The following ZFHX3 variants were observed in gnomAD, a reference collection of about 807,000 sequenced individuals.
The protein encoded by ZFHX3 is zinc finger homeobox protein 3.
A neutral mutation model predicts 279.1 loss-of-function variants in ZFHX3; 42 were observed. The ratio of observed to expected loss-of-function variants is 0.15; its 90% CI spans 0.12 to 0.19. The LOEUF is 0.19. Ranked by LOEUF, ZFHX3 falls within the 10% of genes least tolerant of loss-of-function variation. The probability of loss-of-function intolerance (pLI) is 1.00; values close to 1 mark genes in which losing one functional copy is unlikely to be tolerated. For synonymous variants in ZFHX3, 2,293 were observed against 1,957.8 expected (o/e 1.17, Z -4.52); for missense variants, 4,981 against 4,754.0 (o/e 1.05, Z -1.40).
chr16:73,610,372 A>T (rs1165859705), intron 2 of ZFHX3, among the ~76,000 whole-genome samples: 1 of 152,170 alleles, frequency 6.6e-6, no homozygotes, highest in East Asian at 1.9e-4. Context: ...CCTTTTCTTC[A>T]AACACATATG....
At chr16:73,043,415 G>A (rs370845799) in intron 1 of ZFHX3, among the ~76,000 whole-genome samples, 14 of 152,274 alleles carry the variant, frequency 9.2e-5, no homozygotes, top group East Asian at 3.9e-4. Flanking sequence ...GGCTGAATTT[G>A]CCATCTCGCA....
At chr16:72,866,732 C>T (rs558193988) in intron 4 of ZFHX3, among the ~76,000 whole-genome samples, 1 of 151,880 alleles carries the variant, frequency 6.6e-6, no homozygotes, top group South Asian at 2.1e-4. Flanking sequence ...CATTTACAAG[C>T]CCCTTTCACT....
At chr16:73,213,153 C>A (rs2012079201) in intron 5 of ZFHX3, among the ~76,000 whole-genome samples, 1 of 152,108 alleles carries the variant, frequency 6.6e-6, no homozygotes, top group African/African-American at 2.4e-5. Context: ...ATTCTTTAGC[C>A]CTGAAGATCA....
intron 3 of ZFHX3, among the ~76,000 whole-genome samples, chr16:73,447,461 G>A (rs904576800): frequency 4.6e-5 from 7 of 152,122 alleles, no homozygotes; most frequent in Admixed American, 1.3e-4. Flanking sequence ...CCCACAGTTC[G>A]GAGAAAAGCA....
intron 2 of ZFHX3, chr16:73,608,855 G>A (rs2052217541): frequency 6.6e-6 from 1 of 152,166 alleles, no homozygotes; most frequent in African/African-American, 2.4e-5. Flanking sequence ...GAACAAAATA[G>A]AGAGTTTGGC....
intron 3 of ZFHX3, among the ~76,000 whole-genome samples, chr16:73,376,838 TGCTCCATGATCTAAGACATTTTACTAA>T (rs2016730724): frequency 6.6e-6 from 1 of 152,228 alleles, no homozygotes; most frequent in Admixed American, 6.5e-5. Flanking sequence ...GTCAGAGAGT[TGCTCCATGATCTAAGACATTTTACTAA>T]GCTGCCAATA....
chr16:73,578,153 G>A (rs1366970528), intron 2 of ZFHX3, among the ~76,000 whole-genome samples: 1 of 152,068 alleles, frequency 6.6e-6, no homozygotes, highest in East Asian at 1.9e-4. Flanking sequence ...CACTCAAGCC[G>A]GTCTACCTGG....
chr16:73,517,050 G>A (rs1273734655), intron 2 of ZFHX3, among the ~76,000 whole-genome samples: 3 of 149,450 alleles, frequency 2.0e-5, no homozygotes, highest in South Asian at 2.1e-4. Flanking sequence ...TAGCACCCTC[G>A]TTGAAGTCTT....
At chr16:73,066,324 C>CTTA (rs1299220548) in intron 8 of ZFHX3, among the ~76,000 whole-genome samples, 1 of 152,212 alleles carries the variant, frequency 6.6e-6, no homozygotes, top group Admixed American at 6.5e-5. Context: ...TTCCCAAAAC[C>CTTA]TTATCATTGA....
At chr16:72,871,461 C>T (rs1451919975) in intron 4 of ZFHX3, among the ~76,000 whole-genome samples, 3 of 152,022 alleles carry the variant, frequency 2.0e-5, no homozygotes, top group African/African-American at 7.2e-5. Context: ...CCTGCCTCAG[C>T]CTCCCAAGTA....
intron 1 of ZFHX3, among the ~76,000 whole-genome samples, chr16:73,857,647 G>A (rs1284645323): frequency 6.6e-6 from 1 of 152,208 alleles, no homozygotes; most frequent in African/African-American, 2.4e-5. Flanking sequence ...GAGCTGCCTG[G>A]TACTGTGTAA....
chr16:73,462,772 G>C (rs2018494614), intron 2 of ZFHX3, among the ~76,000 whole-genome samples: 1 of 152,092 alleles, frequency 6.6e-6, no homozygotes, highest in Non-Finnish European at 1.5e-5. Flanking sequence ...ATGCCACTGA[G>C]TCACGGTGTA....
chr16:72,928,840 T>C (rs1005375505), intron 3 of ZFHX3, among the ~76,000 whole-genome samples: 1 of 152,166 alleles, frequency 6.6e-6, no homozygotes, highest in Non-Finnish European at 1.5e-5. Context: ...TATGTGCCTG[T>C]AGTCCCAGCT....
intron 9 of ZFHX3, chr16:72,790,300 C>T (rs1461201839): frequency 6.6e-6 from 1 of 152,308 alleles, no homozygotes; most frequent in Non-Finnish European, 1.5e-5. Flanking sequence ...TCTCAGAACA[C>T]CTCTATATTC....
intron 3 of ZFHX3, among the ~76,000 whole-genome samples, chr16:72,919,016 C>T (rs925790735): frequency 1.3e-4 from 20 of 151,722 alleles, no homozygotes; most frequent in Admixed American, 5.2e-4. Flanking sequence ...TATTTCTATA[C>T]GATGTTCCTT....
Position 73,157,465 on chromosome 16 carries a change from T to TAAA in ZFHX3, c.-1103-13637_-1103-13635dup, listed in dbSNP as rs1297201223. Among the ~76,000 whole-genome samples the TAAA allele has an allele frequency of 1.4e-4, 11 of 76,518 alleles. 1 individual carries two copies. Among genetic ancestry groups the TAAA allele is most frequent in the African/African-American group, 5.9e-4 (10 of 16,950 alleles). The allele number at this position is 76,518 out of a possible 152,430, so 50.2% of individuals were successfully genotyped here. Reference sequence around the variant, plus strand: ...TCCTGGGTGATTTAGGAATGTTTGGTAAAAAAAAAAAAAAAAAAGGCCAGT... The same window carrying TAAA: ...TCCTGGGTGATTTAGGAATGTTTGGTAAAAAAAAAAAAAAAAAAAAAGGCCAGT... On this transcript the variant is annotated intron_variant, in intron 5 of 17. Transcript: ENST00000641206.
intron 1 of ZFHX3, among the ~76,000 whole-genome samples, chr16:73,821,258 T>C (rs575723358): frequency 1.1e-4 from 16 of 152,336 alleles, no homozygotes; most frequent in African/African-American, 3.4e-4. Flanking sequence ...TAAAATCAGC[T>C]GTTGTTCTTC....
In ZFHX3 at chr16:73,574,746, C is replaced by A. The variant is rs1276128572; in HGVS notation, c.-1547+105434G>T. Among the ~76,000 whole-genome samples, 3 of 152,262 alleles carry A rather than the reference C, an allele frequency of 2.0e-5. No individual in the cohort carries two copies. In the East Asian group the frequency reaches 5.8e-4, roughly 29 times the overall value. On this transcript the variant is annotated intron_variant, in intron 2 of 17. Coordinates refer to the ZFHX3 transcript ENST00000641206. The stretch of plus-strand genomic sequence containing the variant: ...GTCAAGGTCCTCGGTCAAGAGCCAC[C>A]TCCTTGAACTATCTTTCTGCTCCTT...
chr16:73,189,347 G>C (rs981927786), intron 5 of ZFHX3, among the ~76,000 whole-genome samples: 1 of 152,208 alleles, frequency 6.6e-6, no homozygotes, highest in Admixed American at 6.5e-5. Flanking sequence ...TTGTTCACTG[G>C]GGTCGGCAGA....
Sources: gnomAD v4.1 joint callset for allele counts (sites outside exome capture counted in the v4.1 genomes callset) on GRCh38, gnomAD v4.1.1 for gene constraint, MANE v1.5 for transcripts, NCBI Gene and HGNC (gene_info 2026-07-23, HGNC 2026-07-21) for gene names.